The following FAT3 variants were observed in gnomAD, a reference collection of about 807,000 sequenced individuals.
FAT3 encodes protocadherin Fat 3.
FAT3 carries 95 observed loss-of-function variants against 310.2 expected under a neutral mutation model. The observed-to-expected ratio is 0.31, with a 90% CI of 0.26 to 0.36. FAT3 has a LOEUF of 0.36. Among genes scored for constraint, FAT3 ranks in the 10% least tolerant of loss-of-function variants. The pLI is 1.00. For missense variants in FAT3, 5,408 were observed against 5,715.6 expected, an observed-to-expected ratio of 0.95 and a Z score of 1.74; for synonymous variants, 2,314 against 2,192.9, an observed-to-expected ratio of 1.06 and a Z score of -1.54.
At chr11:92,234,082 T>C (rs982268551) in intron 1 of FAT3, among the ~76,000 whole-genome samples, 1 of 152,242 alleles carries the variant, frequency 6.6e-6, no homozygotes, top group Non-Finnish European at 1.5e-5. Flanking sequence ...ATACAATAGA[T>C]ATGTTTTTAA....
intron 3 of FAT3, among the ~76,000 whole-genome samples, chr11:92,540,547 T>C (rs1042472452): frequency 6.6e-6 from 1 of 152,198 alleles, no homozygotes; most frequent in Non-Finnish European, 1.5e-5. Context: ...GAGACTCCTG[T>C]TGGAGAAATC....
chr11:92,875,727 C>T (rs556164358), intron 22 of FAT3, among the ~76,000 whole-genome samples: 126 of 152,260 alleles, frequency 8.3e-4, no homozygotes, highest in South Asian at 3.9e-3. Flanking sequence ...TATGAGTTGG[C>T]ACCAGCCACA....
chr11:92,479,476 G>A (rs985589576), intron 2 of FAT3, among the ~76,000 whole-genome samples: 7 of 152,068 alleles, frequency 4.6e-5, no homozygotes, highest in Non-Finnish European at 8.8e-5. Context: ...ATGTGCCTAG[G>A]GTGTAGGAAC....
At chr11:92,265,492 C>G (rs886740955) in intron 1 of FAT3, among the ~76,000 whole-genome samples, 2 of 151,892 alleles carry the variant, frequency 1.3e-5, no homozygotes, top group Non-Finnish European at 2.9e-5. Context: ...TGGTACTAAG[C>G]CTTCTCTTAG....
chr11:92,570,824 G>A (rs536617), intron 3 of FAT3, among the ~76,000 whole-genome samples: 59,362 of 152,028 alleles, frequency 0.39, 12,311 homozygotes, highest in Middle Eastern at 0.53. Flanking sequence ...TCATTGCTTA[G>A]TAGCTTGTGG....
chr11:92,393,914 A>G (rs1949803522), intron 2 of FAT3, among the ~76,000 whole-genome samples: 2 of 152,202 alleles, frequency 1.3e-5, no homozygotes, highest in African/African-American at 2.4e-5. Context: ...ATGTTGTAAT[A>G]TCTCAAGAAT....
intron 2 of FAT3, among the ~76,000 whole-genome samples, chr11:92,510,038 C>G (rs929034742): frequency 5.3e-5 from 8 of 152,100 alleles, no homozygotes; most frequent in Admixed American, 1.3e-4. Flanking sequence ...GTATCTATCT[C>G]TGAAGCAAGA....
chr11:92,348,004 A>G (rs1355534989), intron 1 of FAT3, among the ~76,000 whole-genome samples: 2 of 152,220 alleles, frequency 1.3e-5, no homozygotes, highest in African/African-American at 4.8e-5. Context: ...TGCTAAAAAG[A>G]AAAGAAGACA....
chr11:92,241,698 T>C (rs879645502), intron 1 of FAT3, among the ~76,000 whole-genome samples: 7 of 152,094 alleles, frequency 4.6e-5, no homozygotes, highest in Admixed American at 4.6e-4. Flanking sequence ...TTGCTGGTGT[T>C]TCATTTGCTT....
chr11:92,480,261 T>C (rs1038570675), intron 2 of FAT3, among the ~76,000 whole-genome samples: 3 of 151,934 alleles, frequency 2.0e-5, no homozygotes, highest in Admixed American at 2.0e-4. Context: ...TGAGACTCTG[T>C]CTCAAAAAAC....
intron 2 of FAT3, among the ~76,000 whole-genome samples, chr11:92,463,161 A>T (rs996053976): frequency 6.6e-6 from 1 of 152,242 alleles, no homozygotes; most frequent in Non-Finnish European, 1.5e-5. Context: ...GCAAATATTT[A>T]TAACCAGACT....
intron 4 of FAT3, among the ~76,000 whole-genome samples, chr11:92,706,783 A>G (rs1408149200): frequency 6.6e-6 from 1 of 152,234 alleles, no homozygotes. Flanking sequence ...CCATCTTTTA[A>G]AATGTGCATA....
chr11:92,585,731 C>A (rs1237495662), intron 3 of FAT3, among the ~76,000 whole-genome samples: 1 of 151,966 alleles, frequency 6.6e-6, no homozygotes, highest in Non-Finnish European at 1.5e-5. Context: ...AGTCTGATTC[C>A]AGGTTCCATG....
At chr11:92,850,396 C>G (rs1354271275) in intron 19 of FAT3, among the ~76,000 whole-genome samples, 1 of 152,114 alleles carries the variant, frequency 6.6e-6, no homozygotes, top group Non-Finnish European at 1.5e-5. Flanking sequence ...ACACAGCTGC[C>G]CCAGAGAGGA....
chr11:92,661,342 G>A (rs930004057), intron 3 of FAT3, among the ~76,000 whole-genome samples: 2 of 152,232 alleles, frequency 1.3e-5, no homozygotes, highest in Non-Finnish European at 2.9e-5. Flanking sequence ...ACAGAAAGGT[G>A]TGTGGTCTTT....
At chr11:92,318,918 A>C (rs558545802) in intron 1 of FAT3, among the ~76,000 whole-genome samples, 2 of 152,218 alleles carry the variant, frequency 1.3e-5, no homozygotes, top group Admixed American at 1.3e-4. Context: ...CAAAGAGTCC[A>C]TGTGCTGAAT....
chr11:92,257,402 GGGAAGTAGACT>G (rs1340732237), intron 1 of FAT3, among the ~76,000 whole-genome samples: 6 of 152,078 alleles, frequency 3.9e-5, no homozygotes, highest in African/African-American at 1.4e-4. Flanking sequence ...CATTTCCCCA[GGGAAGTAGACT>G]GGAAAATTGC....
At chr11:92,835,131 A>G (rs560700782) in intron 15 of FAT3, 47 bp downstream of exon 15, 1 of 1,508,976 alleles carries the variant, frequency 6.6e-7, no homozygotes, top group African/African-American at 1.4e-5. Flanking sequence ...GGGACTAGTC[A>G]TCCACAATAA....
intron 2 of FAT3, among the ~76,000 whole-genome samples, chr11:92,384,393 T>G (rs1336802790): frequency 6.6e-6 from 1 of 152,180 alleles, no homozygotes; most frequent in Non-Finnish European, 1.5e-5. Flanking sequence ...AATGACAAAA[T>G]TATATTTCTC....
Sources: allele counts gnomAD v4.1 joint callset (sites outside exome capture counted in the v4.1 genomes callset), GRCh38; gene constraint gnomAD v4.1.1; transcripts MANE v1.5; gene names NCBI Gene and HGNC (gene_info 2026-07-23, HGNC 2026-07-21).